ADAMTS14: variants seen among roughly 807,000 people sequenced by gnomAD.
ADAMTS14 encodes ADAM metallopeptidase with thrombospondin type 1 motif 14, also known as A disintegrin and metalloproteinase with thrombospondin motifs 14.
Under a neutral mutation model 128.6 loss-of-function variants are expected in ADAMTS14, and 100 were observed. The observed-to-expected ratio is 0.78, with a 90% CI of 0.66 to 0.92. The LOEUF is 0.92. ADAMTS14 is among the 40% of genes least tolerant of loss of function. ADAMTS14 has a pLI of 0.00. For missense variants in ADAMTS14, 1,562 were observed against 1,658.6 expected (o/e 0.94, Z 1.01); for synonymous variants, 665 against 653.8 (o/e 1.02, Z -0.26).
intron 2 of ADAMTS14, among the ~76,000 whole-genome samples, chr10:70,679,877 C>T (rs1839751282): frequency 6.6e-6 from 1 of 152,146 alleles, no homozygotes; most frequent in Non-Finnish European, 1.5e-5. Flanking sequence ...AGCTGCTCAC[C>T]ACTGAACAAG....
Position 70,749,985 on chromosome 10 carries a change from G to A in ADAMTS14, c.2427G>A (p.Leu809=). The stretch of plus-strand genomic sequence containing the variant: ...CCCTGCCTGAAGCCATTGCCATCCT[G>A]GTGAGCCCCACTCTGTGCGGTGGCA... ...SGPLPEAIAI[L]ALPPTEGGPR... Residue 809 remains leucine (L), a splice_region_variant and synonymous_variant, in exon 16 of 22, where the codon CTG becomes CTA. Transcript: ENST00000373207. 2 of 1,613,848 alleles carry A rather than the reference G, an allele frequency of 1.2e-6. No homozygotes were observed. Among genetic ancestry groups the A allele is most frequent in the Non-Finnish European group, 1.7e-6 (2 of 1,179,924 alleles).
chr10:70,692,091 C>A (rs1407519538), intron 2 of ADAMTS14, among the ~76,000 whole-genome samples: 2 of 152,020 alleles, frequency 1.3e-5, no homozygotes, highest in Admixed American at 6.6e-5. Flanking sequence ...GACTCCTGAG[C>A]CCCACCCATC....
At chr10:70,688,868 G>C (rs569188654) in intron 2 of ADAMTS14, among the ~76,000 whole-genome samples, 3 of 3,742 alleles carry the variant, frequency 8.0e-4, no homozygotes, top group East Asian at 2.7e-3. Flanking sequence ...AGGGGGAGGG[G>C]GAGGGGGAGG....
At chr10:70,729,995 G>A in intron 5 of ADAMTS14, 107 bp from the exon 6 acceptor site, 1 of 1,376,424 alleles carries the variant, frequency 7.3e-7, no homozygotes, top group East Asian at 2.3e-5. Context: ...GGGTCCTGCA[G>A]TCCTCTGGGC....
chr10:70,672,833 C>T lies in ADAMTS14; in HGVS notation c.31C>T (p.Leu11=), dbSNP rs1234974520. 2 of 1,517,784 alleles carry T rather than the reference C, an allele frequency of 1.3e-6. No homozygotes were observed. The highest frequency in any genetic ancestry group is 1.4e-5 in the African/African-American group (1 of 69,318). The allele number at this position is 1,517,784 out of a possible 1,614,324, so 94.0% of individuals were successfully genotyped here. The change falls in exon 1 of 22, where the codon CTG becomes TTG. Residue 11 remains leucine, a synonymous_variant. Transcript: ENST00000373207. MAPLRALLSY[L]LPLHCALCAA... ...TCCACTCCGCGCGCTGCTGTCCTAC[C>T]TGCTGCCTTTGCACTGTGCGCTCTG...
intron 1 of ADAMTS14, among the ~76,000 whole-genome samples, chr10:70,674,132 G>A (rs1839567632): frequency 6.6e-6 from 1 of 152,048 alleles, no homozygotes; most frequent in Non-Finnish European, 1.5e-5. Flanking sequence ...TTGGGGAGGA[G>A]GGCACTACCC....
intron 3 of ADAMTS14, among the ~76,000 whole-genome samples, chr10:70,703,891 T>C (rs1009307924): frequency 1.3e-4 from 20 of 152,214 alleles, no homozygotes; most frequent in African/African-American, 4.6e-4. Flanking sequence ...CTACGGGCCT[T>C]CCTTAGAAAG....
intron 21 of ADAMTS14, 38 bp downstream of exon 21, chr10:70,758,323 C>A (rs199662155): frequency 1.6e-5 from 25 of 1,565,262 alleles, no homozygotes; most frequent in East Asian, 4.5e-5. Flanking sequence ...GCTCCCCAGA[C>A]CTTTCAGTGG....
At chr10:70,745,164 C>A in intron 14 of ADAMTS14, 62 bp from the exon 15 acceptor site, 1 of 1,523,778 alleles carries the variant, frequency 6.6e-7, no homozygotes, top group Non-Finnish European at 9.0e-7. Context: ...GAGTGGGGGA[C>A]GCTGGGCAGT....
chr10:70,723,046 C>T (rs753648628), intron 4 of ADAMTS14, among the ~76,000 whole-genome samples: 9 of 152,196 alleles, frequency 5.9e-5, no homozygotes, highest in Non-Finnish European at 1.2e-4. Flanking sequence ...TGAAGGCCAA[C>T]AGCAACAGTG....
chr10:70,681,199 C>T (rs185593514), intron 2 of ADAMTS14, among the ~76,000 whole-genome samples: 7 of 152,274 alleles, frequency 4.6e-5, no homozygotes, highest in Non-Finnish European at 1.0e-4. Context: ...TGTGGGAATA[C>T]AGGGAAGCAT....
At chr10:70,684,738 G>T (rs1839906803) in intron 2 of ADAMTS14, among the ~76,000 whole-genome samples, 1 of 152,238 alleles carries the variant, frequency 6.6e-6, no homozygotes, top group Non-Finnish European at 1.5e-5. Context: ...TCCACAGCAG[G>T]TTTGTCTCCA....
At position 70,758,853 on chromosome 10, in the gene ADAMTS14, C is replaced by T. The variant is rs537945957; in HGVS notation, c.3178+568C>T. On this transcript the variant is annotated intron_variant, in intron 21 of 21. Coordinates refer to ENST00000373207, the MANE Select transcript of ADAMTS14 (RefSeq NM_080722.4). ...GATTCAGTTCATCCTCCCATCTTTC[C>T]ATTCATCCACCCACGGATAGATATT... is the stretch of plus-strand genomic sequence containing the variant. 1.1e-3 allele frequency among the ~76,000 whole-genome samples: 166 copies of T among 152,312 alleles called. 1 individual carries two copies. The highest frequency in any genetic ancestry group is 3.9e-3 in the African/African-American group (161 of 41,580).
At chr10:70,738,706 A>G in intron 10 of ADAMTS14, 136 bp from the exon 11 acceptor site, 3 of 1,211,302 alleles carry the variant, frequency 2.5e-6, no homozygotes, top group Admixed American at 2.2e-5. Flanking sequence ...CTTTTGTTTA[A>G]GGCTGCTCAG....
chr10:70,727,523 C>G (rs959204364), intron 4 of ADAMTS14, among the ~76,000 whole-genome samples: 2 of 152,134 alleles, frequency 1.3e-5, no homozygotes, highest in Non-Finnish European at 2.9e-5. Context: ...GATGGCATCA[C>G]CTCCCTAACC....
At chr10:70,754,710 T>A (rs1842438828) in intron 19 of ADAMTS14, among the ~76,000 whole-genome samples, 1 of 152,154 alleles carries the variant, frequency 6.6e-6, no homozygotes, top group African/African-American at 2.4e-5. Context: ...GGGGTTTGCA[T>A]ATATTCTAAG....
chr10:70,760,345 G>A lies in ADAMTS14; in HGVS notation c.3179-15G>A. 6.5e-7 allele frequency: 1 copy of A among 1,532,680 alleles called. No homozygotes were observed. The highest frequency in any genetic ancestry group is 8.8e-7 in the Non-Finnish European group (1 of 1,140,328). 94.9% of individuals were successfully genotyped at this position (1,532,680 alleles called of 1,614,324 possible). A position where few individuals can be genotyped will look rare whatever the true frequency, so the allele number is the denominator to read the frequency against. On this transcript the variant is annotated splice_polypyrimidine_tract_variant and intron_variant, in intron 21 of 21. Coordinates refer to ENST00000373207, the MANE Select transcript of ADAMTS14 (RefSeq NM_080722.4). ...CCACGTTGCTTCCATCCTTGTCCTT[G>A]TGCTGTGTGTGCAGCGGAGCCCTGC...
chr10:70,740,215 G>A (rs1841953264), intron 11 of ADAMTS14, among the ~76,000 whole-genome samples: 1 of 152,198 alleles, frequency 6.6e-6, no homozygotes, highest in Non-Finnish European at 1.5e-5. Context: ...TTTGTGCTAG[G>A]TGGGATGCTA....
chr10:70,696,333 C>A (rs902437744), intron 2 of ADAMTS14, among the ~76,000 whole-genome samples: 2 of 146,964 alleles, frequency 1.4e-5, no homozygotes, highest in South Asian at 4.4e-4. Flanking sequence ...GTGGTGGGAG[C>A]CTTGGAGTAT....
Sources: allele counts gnomAD v4.1 joint callset (sites outside exome capture counted in the v4.1 genomes callset), GRCh38; gene constraint gnomAD v4.1.1; transcripts MANE v1.5; gene names NCBI Gene and HGNC (gene_info 2026-07-23, HGNC 2026-07-21).